Variants in SEC11C observed in about 807,000 individuals in gnomAD.
The protein encoded by SEC11C is SEC11 homolog C, signal peptidase complex subunit, also known as signal peptidase complex catalytic subunit SEC11C.
In SEC11C, 10 loss-of-function variants were observed where a neutral mutation model predicts 21.9. The observed-to-expected ratio is 0.46, with a 90% confidence interval of 0.28 to 0.77. SEC11C has a LOEUF of 0.77. SEC11C is among the 30% of genes least tolerant of loss of function. The pLI is 0.12. For synonymous variants in SEC11C, 83 were observed against 85.6 expected (o/e 0.97, Z 0.17); for missense variants, 145 against 244.5 (o/e 0.59, Z 2.71).
chr18:59,146,976 A>G (rs1422466717), intron 1 of SEC11C: 1 of 151,708 alleles, frequency 6.6e-6, no homozygotes, highest in Non-Finnish European at 1.5e-5. Context: ...TGTGATTCCC[A>G]CTCCAGCAGC....
intron 1 of SEC11C, among the ~76,000 whole-genome samples, chr18:59,143,145 G>A (rs2069229876): frequency 6.6e-6 from 1 of 152,012 alleles, no homozygotes; most frequent in Admixed American, 6.5e-5. Context: ...TTGAGGTCAG[G>A]AGTTCAAAAC....
intron 1 of SEC11C, among the ~76,000 whole-genome samples, chr18:59,140,644 G>A (rs375118430): frequency 6.6e-6 from 1 of 152,200 alleles, no homozygotes; most frequent in African/African-American, 2.4e-5. Context: ...GATTCCAGAA[G>A]CCTTCTCTAA....
At chr18:59,152,110 TTAAG>T (rs1351667400) in intron 2 of SEC11C, among the ~76,000 whole-genome samples, 1 of 152,136 alleles carries the variant, frequency 6.6e-6, no homozygotes, top group East Asian at 1.9e-4. Flanking sequence ...TCCTCATTTC[TTAAG>T]TAAGTATTGC....
At chr18:59,147,664 G>A (rs1314884124) in intron 1 of SEC11C, 1 of 139,628 alleles carries the variant, frequency 7.2e-6, no homozygotes, top group Non-Finnish European at 1.5e-5. Flanking sequence ...CCCCAGAACT[G>A]AAGGTGAAGG....
At chr18:59,144,481 C>A (rs2069247454) in intron 1 of SEC11C, among the ~76,000 whole-genome samples, 1 of 152,024 alleles carries the variant, frequency 6.6e-6, no homozygotes, top group South Asian at 2.1e-4. Flanking sequence ...GCCTATAGTC[C>A]CAGCACTTTG....
At chr18:59,155,548 A>T in intron 3 of SEC11C, 140 bp from the exon 4 acceptor site, 2 of 757,922 alleles carry the variant, frequency 2.6e-6, no homozygotes, top group Non-Finnish European at 4.1e-6. Context: ...CAGTCATCTT[A>T]GACTAAAGGA....
In SEC11C at chr18:59,149,633, CA is replaced by C; in HGVS notation, c.197+12del. On this transcript the variant is annotated intron_variant, in intron 2 of 5. Transcript: ENST00000587834. ...CGTGGTGGTGCTGAGGTAGGTCCCC[CA>C]GGCTGGCCTCCAGCCTCCAACCTCC... 1 of 1,580,922 alleles carries C rather than the reference CA, an allele frequency of 6.3e-7. No individual in the cohort carries two copies. The highest frequency in any genetic ancestry group is 8.7e-7 in the Non-Finnish European group (1 of 1,151,178).
chr18:59,152,793 GACTC>G, intron 3 of SEC11C, 108 bp downstream of exon 3: 1 of 951,610 alleles, frequency 1.1e-6, no homozygotes, highest in Non-Finnish European at 1.5e-6. Context: ...TTCTGCCATT[GACTC>G]ACTGGGTGAC....
intron 1 of SEC11C, among the ~76,000 whole-genome samples, chr18:59,142,671 C>G (rs983200781): frequency 7.2e-5 from 11 of 152,204 alleles, no homozygotes; most frequent in Non-Finnish European, 1.6e-4. Context: ...TGTTTTATCT[C>G]TTCTAACGGC....
intron 3 of SEC11C, among the ~76,000 whole-genome samples, chr18:59,154,087 C>T (rs758191217): frequency 3.9e-5 from 6 of 152,166 alleles, no homozygotes; most frequent in Non-Finnish European, 8.8e-5. Flanking sequence ...GAGAACAATC[C>T]AGTTTCAACC....
chr18:59,153,613 C>T (rs1329374137), intron 3 of SEC11C, among the ~76,000 whole-genome samples: 1 of 152,012 alleles, frequency 6.6e-6, no homozygotes, highest in African/African-American at 2.4e-5. Flanking sequence ...TGCCATGGTG[C>T]GATCTCTGCT....
intron 1 of SEC11C, among the ~76,000 whole-genome samples, chr18:59,145,479 T>C (rs145229065): frequency 0.013 from 1,984 of 152,310 alleles, 18 homozygotes; most frequent in Non-Finnish European, 0.019. Flanking sequence ...GGGAGCCTTC[T>C]GGGTAAAGGC....
chr18:59,144,842 A>AT (rs2069252389), intron 1 of SEC11C, among the ~76,000 whole-genome samples: 1 of 150,198 alleles, frequency 6.7e-6, no homozygotes, highest in Non-Finnish European at 1.5e-5. Context: ...TACTACTTGT[A>AT]TTTTCCTTTG....
At chr18:59,153,554 A>G (rs2069383713) in intron 3 of SEC11C, among the ~76,000 whole-genome samples, 1 of 151,848 alleles carries the variant, frequency 6.6e-6, no homozygotes, top group Admixed American at 6.6e-5. Context: ...CATTCCATTC[A>G]CTGCTTCTTT....
At chr18:59,154,000 C>T (rs530299503) in intron 3 of SEC11C, among the ~76,000 whole-genome samples, 39 of 152,288 alleles carry the variant, frequency 2.6e-4, no homozygotes, top group African/African-American at 8.2e-4. Context: ...AGCAACTGTG[C>T]CCGGCCCATT....
rs540806398 is a variant in SEC11C at position 59,148,818 on chromosome 18, C to T, written c.88-695C>T. ...TTTTTTAGTAGAGACGGGGTTTCAC[C>T]GGTAGCCAGAATGGTCTTGATCTCC... On this transcript the variant is annotated intron_variant, in intron 1 of 5. Coordinates refer to ENST00000587834, the MANE Select transcript of SEC11C (RefSeq NM_033280.4). Among the ~76,000 whole-genome samples the T allele has an allele frequency of 2.1e-3, 321 of 152,204 alleles. 2 individuals carry two copies. Among genetic ancestry groups the T allele is most frequent in the Non-Finnish European group, 3.6e-3 (243 of 68,010 alleles).
chr18:59,147,640 C>G (rs2069291819), intron 1 of SEC11C: 1 of 151,708 alleles, frequency 6.6e-6, no homozygotes. Context: ...CCTCAGAGAC[C>G]CAGGAATTGG....
chr18:59,144,388 C>T (rs2069246376), intron 1 of SEC11C, among the ~76,000 whole-genome samples: 1 of 152,118 alleles, frequency 6.6e-6, no homozygotes, highest in African/African-American at 2.4e-5. Flanking sequence ...TTCTTGCTAG[C>T]ACTAAGTATT....
At chr18:59,155,360 C>T (rs746151676) in intron 3 of SEC11C, among the ~76,000 whole-genome samples, 15 of 152,188 alleles carry the variant, frequency 9.9e-5, no homozygotes, top group Middle Eastern at 3.2e-3. Flanking sequence ...CTAGTTTATT[C>T]GTCATTCCCA....
Sources: allele counts gnomAD v4.1 joint callset (sites outside exome capture counted in the v4.1 genomes callset), GRCh38; gene constraint gnomAD v4.1.1; transcripts MANE v1.5; gene names NCBI Gene and HGNC (gene_info 2026-07-23, HGNC 2026-07-21).